Variants in JADE2 observed in about 807,000 individuals in gnomAD.
JADE2 encodes E3 ubiquitin-protein ligase Jade-2.
A neutral mutation model predicts 85.7 loss-of-function variants in JADE2; 13 were observed. The ratio of observed to expected loss-of-function variants is 0.15; its 90% CI spans 0.10 to 0.24. The LOEUF (loss-of-function observed/expected upper bound fraction) is 0.24. Ranked by LOEUF, JADE2 falls within the 10% of genes least tolerant of loss-of-function variation. The pLI is 1.00. For synonymous variants in JADE2, 440 were observed against 456.1 expected (o/e 0.96, Z 0.45); for missense variants, 846 against 1,115.9 (o/e 0.76, Z 3.45).
chr5:134,571,918 G>A (rs980365662), intron 9 of JADE2, among the ~76,000 whole-genome samples: 6 of 152,210 alleles, frequency 3.9e-5, no homozygotes, highest in African/African-American at 1.4e-4. Context: ...CTGGCTGCTT[G>A]TGTGTCCAAG....
In JADE2 at chr5:134,578,728, G is replaced by A. The variant is rs572488354; in HGVS notation, c.1916G>A (p.Arg639Gln). 7.4e-6 allele frequency: 12 copies of A among 1,613,230 alleles called. No homozygotes were observed. Among genetic ancestry groups the A allele is most frequent in the Admixed American group, 1.7e-5 (1 of 59,996 alleles). Residue 639 changes from arginine (R) to glutamine (Q), a missense_variant, in exon 12 of 12, where the codon CGA (arginine) becomes CAA (glutamine). By Grantham distance (43) the Arg-to-Gln change is conservative. This residue lies in a region of JADE2 where 300 missense variants were observed against 300.7 expected (regional missense o/e 1.00). Coordinates refer to ENST00000681547, the MANE Select transcript of JADE2 (RefSeq NM_001388185.1). The surrounding 1 kb of genome is among the most constrained non-coding windows in gnomAD (Gnocchi z 4.4). ...CCTGGTGACCCTGCTAGGAAGGCCC[G>A]AGGCCGCACCCGCCTGCCTGCCAAG... ...LRPGDPARKA[R>Q]GRTRLPAKKK...
chr5:134,547,855 A>G (rs1355985278), intron 3 of JADE2, among the ~76,000 whole-genome samples: 1 of 152,174 alleles, frequency 6.6e-6, no homozygotes, highest in Non-Finnish European at 1.5e-5. Context: ...GACCTCATTG[A>G]GCTCCCCTTC....
chr5:134,562,241 G>A lies in JADE2; in HGVS notation c.726G>A (p.Leu242=), dbSNP rs1313994115. The change falls in exon 7 of 12, where the codon CTG becomes CTA. Residue 242 remains leucine, a synonymous_variant. Coordinates refer to ENST00000681547, the MANE Select transcript of JADE2 (RefSeq NM_001388185.1). The surrounding 1 kb of genome is among the most constrained non-coding windows in gnomAD (Gnocchi z 4.6). ...TCAAGGTGCCCACGGGCAGCTGGCT[G>A]TGCCGGACGTGTGCCCTGGGTGTCC... ...GILKVPTGSW[L]CRTCALGVQP... The A allele has an allele frequency of 8.7e-6, 14 of 1,613,948 alleles. No homozygotes were observed. The highest frequency in any genetic ancestry group is 1.1e-5 in the Non-Finnish European group (13 of 1,179,926).
At chr5:134,542,178 A>T (rs929122661) in intron 3 of JADE2, among the ~76,000 whole-genome samples, 1 of 152,232 alleles carries the variant, frequency 6.6e-6, no homozygotes, top group Non-Finnish European at 1.5e-5. Flanking sequence ...TGCCTATGGC[A>T]TCCCAACAGA....
At chr5:134,570,627 CATCCCCCG>C (rs930543588) in intron 9 of JADE2, among the ~76,000 whole-genome samples, 3 of 152,206 alleles carry the variant, frequency 2.0e-5, no homozygotes, top group African/African-American at 7.2e-5. Context: ...CCCACCTCTC[CATCCCCCG>C]ATCCTCTCAG....
At chr5:134,526,455 G>A in intron 1 of JADE2, 1 of 985,258 alleles carries the variant, frequency 1.0e-6, no homozygotes, top group South Asian at 4.7e-5. Flanking sequence ...AGCGGCCCGG[G>A]CGGGGGCTCC....
At chr5:134,570,296 G>A (rs1189134436) in intron 9 of JADE2, among the ~76,000 whole-genome samples, 5 of 152,058 alleles carry the variant, frequency 3.3e-5, no homozygotes, top group African/African-American at 9.7e-5. Context: ...CGAGCCTCTC[G>A]GTCCATTCTC....
chr5:134,535,825 C>T (rs1237366236), intron 1 of JADE2, 33 bp from the exon 2 acceptor site: 4 of 1,602,436 alleles, frequency 2.5e-6, no homozygotes, highest in Non-Finnish European at 3.4e-6. Context: ...CCCAAGCCAT[C>T]CGTGAGTATA....
Position 134,578,482 on chromosome 5 carries a change from C to T in JADE2, c.1682-12C>T, listed in dbSNP as rs774136659. 6 of 1,552,592 alleles carry T rather than the reference C, an allele frequency of 3.9e-6. No individual in the cohort carries two copies. The African/African-American group carries it at 5.4e-5, about 14-fold the overall frequency. On this transcript the variant is annotated splice_polypyrimidine_tract_variant and intron_variant, in intron 11 of 11. Coordinates refer to ENST00000681547, the MANE Select transcript of JADE2 (RefSeq NM_001388185.1). The surrounding 1 kb of genome is among the most constrained non-coding windows in gnomAD (Gnocchi z 4.4). ...TCTGCTGGCGTCTCACTTGCCTCCT[C>T]TCTCCCCTCAGCAGGCCTGTCCACC...
intron 1 of JADE2, among the ~76,000 whole-genome samples, chr5:134,533,278 T>C (rs1321485336): frequency 1.3e-5 from 2 of 152,214 alleles, no homozygotes; most frequent in Admixed American, 6.5e-5. Context: ...TTTACACTGT[T>C]CTTATTTATT....
chr5:134,534,002 T>G (rs1297528564), intron 1 of JADE2, among the ~76,000 whole-genome samples: 1 of 152,106 alleles, frequency 6.6e-6, no homozygotes, highest in Non-Finnish European at 1.5e-5. Flanking sequence ...AGCCCCGGCC[T>G]CCCAAAGTGC....
intron 3 of JADE2, among the ~76,000 whole-genome samples, chr5:134,542,010 A>G (rs1344134545): frequency 6.6e-6 from 1 of 152,224 alleles, no homozygotes; most frequent in African/African-American, 2.4e-5. Context: ...CGGGCCTCCG[A>G]GCTGAGAGCT....
At chr5:134,571,864 C>T (rs56308774) in intron 9 of JADE2, among the ~76,000 whole-genome samples, 299 of 152,288 alleles carry the variant, frequency 2.0e-3, no homozygotes, top group Non-Finnish European at 2.4e-3. Context: ...TTGGATTCCT[C>T]GTTCCCAGGC....
At chr5:134,537,950 GC>G (rs1462361819) in intron 2 of JADE2, 38 bp from the exon 3 acceptor site, 2 of 1,490,818 alleles carry the variant, frequency 1.3e-6, no homozygotes, top group Admixed American at 3.4e-5. Context: ...GGTGCTCCTG[GC>G]CCTCCAGGAC....
intron 4 of JADE2, 138 bp downstream of exon 4, chr5:134,552,347 A>C: frequency 1.2e-6 from 1 of 838,372 alleles, no homozygotes; most frequent in Non-Finnish European, 1.8e-6. Context: ...CTTTTCCAAC[A>C]AACCATTGAA....
chr5:134,564,199 C>T (rs1004654425), intron 7 of JADE2: 4 of 263,166 alleles, frequency 1.5e-5, no homozygotes, highest in Non-Finnish European at 2.9e-5. Context: ...TAAGCACATA[C>T]ACACAGTCAA....
At chr5:134,572,279 G>A (rs933828311) in intron 9 of JADE2, among the ~76,000 whole-genome samples, 2 of 152,218 alleles carry the variant, frequency 1.3e-5, no homozygotes, top group African/African-American at 4.8e-5. Context: ...CACGGTCTTC[G>A]AGCTGAGGGC....
chr5:134,577,083 C>T (rs758274406), intron 11 of JADE2, 187 bp downstream of exon 11: 111 of 623,984 alleles, frequency 1.8e-4, no homozygotes, highest in South Asian at 8.9e-5. Flanking sequence ...CTCAGAGCCC[C>T]GTGTGACATC....
intron 9 of JADE2, among the ~76,000 whole-genome samples, chr5:134,571,055 C>T (rs114598177): frequency 0.01 from 1,549 of 152,314 alleles, 38 homozygotes; most frequent in African/African-American, 0.035. Flanking sequence ...TAGTTCCTGC[C>T]GGAGGCTCTG....
Sources: allele counts gnomAD v4.1 joint callset (sites outside exome capture counted in the v4.1 genomes callset), GRCh38; gene constraint gnomAD v4.1.1; regional missense constraint gnomAD v4.1.1; non-coding constraint Gnocchi (gnomAD v3.1); transcripts MANE v1.5; gene names NCBI Gene and HGNC (gene_info 2026-07-23, HGNC 2026-07-21).